The following FMN2 variants were observed in gnomAD, a reference collection of about 807,000 sequenced individuals.
The protein encoded by FMN2 is formin-2.
In FMN2, 51 loss-of-function variants were observed where a neutral mutation model predicts 142.3. The observed-to-expected ratio is 0.36, with a 90% confidence interval of 0.29 to 0.45. The LOEUF is 0.45. Among genes scored for constraint, FMN2 ranks in the 20% least tolerant of loss-of-function variants. The pLI, the probability that FMN2 is intolerant of heterozygous loss-of-function variation, is 1.00. For missense variants in FMN2, 1,936 were observed against 2,122.8 expected, an observed-to-expected ratio of 0.91 and a Z score of 1.73; for synonymous variants, 882 against 869.8, an observed-to-expected ratio of 1.01 and a Z score of -0.25.
intron 15 of FMN2, among the ~76,000 whole-genome samples, chr1:240,437,493 A>C (rs139180080): frequency 6.6e-6 from 1 of 151,730 alleles, no homozygotes; most frequent in Non-Finnish European, 1.5e-5. Flanking sequence ...TAGTAGAGAC[A>C]GGGTTTCACC....
rs74225179 is a variant in FMN2 at position 240,216,001 on chromosome 1, G to A, written c.4065+4766G>A. On this transcript the variant is annotated intron_variant, in intron 6 of 17. Transcript: ENST00000319653. ...TGGGATTACAGGCATGAACCACTGC[G>A]CCTGGCCAATATTTTAGCAGATTTT... Among the ~76,000 whole-genome samples the A allele has an allele frequency of 0.033, 4,993 of 152,272 alleles. 568 individuals carry two copies. In the East Asian group the frequency reaches 0.38, roughly 11 times the overall value.
intron 15 of FMN2, among the ~76,000 whole-genome samples, chr1:240,411,043 T>C (rs987490157): frequency 7.4e-6 from 1 of 134,300 alleles, no homozygotes; most frequent in South Asian, 2.6e-4. Context: ...GTAATTTTTA[T>C]CTTACTCTTT....
intron 2 of FMN2, among the ~76,000 whole-genome samples, chr1:240,177,358 A>G (rs1572023277): frequency 7.2e-6 from 1 of 138,746 alleles, no homozygotes; most frequent in African/African-American, 2.8e-5. Context: ...TCCCTATTCA[A>G]TTCTTTTTTT....
chr1:240,094,623 A>C (rs1297378943), intron 1 of FMN2, among the ~76,000 whole-genome samples: 3 of 152,118 alleles, frequency 2.0e-5, no homozygotes, highest in Admixed American at 6.5e-5. Flanking sequence ...AGAGCCCAAC[A>C]TGTTTACCTA....
chr1:240,322,476 G>A (rs919282532), intron 8 of FMN2, among the ~76,000 whole-genome samples: 3 of 152,114 alleles, frequency 2.0e-5, no homozygotes, highest in East Asian at 1.9e-4. Context: ...GCTTTGCTAC[G>A]ACAGAGAGAG....
intron 7 of FMN2, among the ~76,000 whole-genome samples, chr1:240,278,161 CTA>C (rs1475647455): frequency 6.6e-6 from 1 of 152,062 alleles, no homozygotes; most frequent in Non-Finnish European, 1.5e-5. Context: ...TATTTCATAA[CTA>C]TATAAACAGG....
intron 6 of FMN2, among the ~76,000 whole-genome samples, chr1:240,256,465 G>T (rs2102894804): frequency 6.6e-6 from 1 of 152,058 alleles, no homozygotes; most frequent in African/African-American, 2.4e-5. Context: ...GGGCCAGGCA[G>T]CAGTGGTTTA....
intron 6 of FMN2, among the ~76,000 whole-genome samples, chr1:240,212,427 A>T (rs750916800): frequency 6.6e-6 from 1 of 152,220 alleles, no homozygotes; most frequent in East Asian, 1.9e-4. Context: ...TGCTTGTTGC[A>T]TTATCACTGG....
chr1:240,331,607 G>A (rs1283062146), intron 11 of FMN2, among the ~76,000 whole-genome samples: 1 of 152,144 alleles, frequency 6.6e-6, no homozygotes, highest in Non-Finnish European at 1.5e-5. Flanking sequence ...TCATGGGGGA[G>A]AGAGAGACTT....
chr1:240,341,826 A>G (rs4659963), intron 13 of FMN2, among the ~76,000 whole-genome samples: 81,630 of 152,148 alleles, frequency 0.54, 23,837 homozygotes, highest in African/African-American at 0.77. Flanking sequence ...CAGTCTCCAC[A>G]CTAGTGAATG....
chr1:240,093,745 G>A, intron 1 of FMN2, 21 bp downstream of exon 1: 1 of 1,298,366 alleles, frequency 7.7e-7, no homozygotes, highest in Non-Finnish European at 9.7e-7. Context: ...CCTGCTGCTG[G>A]CCTCCGGGTC....
intron 1 of FMN2, among the ~76,000 whole-genome samples, chr1:240,097,368 T>G (rs1661237832): frequency 6.6e-6 from 1 of 151,506 alleles, no homozygotes; most frequent in African/African-American, 2.4e-5. Context: ...TTTTTTTTTT[T>G]TTTTTGAGAC....
chr1:240,123,050 T>G, intron 1 of FMN2, 129 bp from the exon 2 acceptor site: 2 of 987,796 alleles, frequency 2.0e-6, no homozygotes, highest in East Asian at 2.6e-5. Context: ...AGAGGCTCCT[T>G]TCTGCGCTGT....
chr1:240,371,772 A>G (rs1301342000), intron 14 of FMN2, among the ~76,000 whole-genome samples: 2 of 152,206 alleles, frequency 1.3e-5, no homozygotes, highest in Non-Finnish European at 2.9e-5. Flanking sequence ...TAGGGAAATA[A>G]GAGTTGAGTG....
chr1:240,409,999 G>A (rs1674340923), intron 15 of FMN2, among the ~76,000 whole-genome samples: 1 of 152,034 alleles, frequency 6.6e-6, no homozygotes, highest in Admixed American at 6.6e-5. Context: ...AAAAAAGCTA[G>A]TTTTTAAAGA....
chr1:240,331,490 G>C (rs1438923211), intron 11 of FMN2, among the ~76,000 whole-genome samples: 1 of 152,016 alleles, frequency 6.6e-6, no homozygotes, highest in Non-Finnish European at 1.5e-5. Context: ...CAAAAAAGTA[G>C]GATAAAGGAA....
intron 1 of FMN2, among the ~76,000 whole-genome samples, chr1:240,095,515 C>T (rs1196878452): frequency 1.3e-5 from 2 of 151,954 alleles, no homozygotes; most frequent in African/African-American, 2.4e-5. Context: ...CATGATTTTG[C>T]CTTTCTAAGG....
rs1053875308 is a variant in FMN2 at position 240,319,885 on chromosome 1, C to T, written c.4216-9191C>T. Among the ~76,000 whole-genome samples the T allele has an allele frequency of 1.1e-4, 16 of 152,192 alleles. 1 individual carries two copies. The highest frequency in any genetic ancestry group is 3.9e-4 in the African/African-American group (16 of 41,446). On this transcript the variant is annotated intron_variant, in intron 8 of 17. Transcript: ENST00000319653. Reference sequence around the variant, plus strand: ...TCATAGCCGCCTGTTTCCCCTCCCCCGCAAATGAAACATCTTCCTGCCTAT... The same window carrying T: ...TCATAGCCGCCTGTTTCCCCTCCCCTGCAAATGAAACATCTTCCTGCCTAT...
chr1:240,372,401 A>C (rs1248754691), intron 14 of FMN2, among the ~76,000 whole-genome samples: 1 of 152,164 alleles, frequency 6.6e-6, no homozygotes, highest in Non-Finnish European at 1.5e-5. Context: ...ATGAGTAATT[A>C]GTGATTTCTG....
Sources: allele counts gnomAD v4.1 joint callset (sites outside exome capture counted in the v4.1 genomes callset), GRCh38; gene constraint gnomAD v4.1.1; transcripts MANE v1.5; gene names NCBI Gene and HGNC (gene_info 2026-07-23, HGNC 2026-07-21).